The following PCDH11X variants were observed in gnomAD, a reference collection of about 807,000 sequenced individuals.
The protein encoded by PCDH11X is protocadherin-11 X-linked.
PCDH11X carries 18 observed loss-of-function variants against 53.3 expected under a neutral mutation model. The ratio of observed to expected loss-of-function variants is 0.34; its 90% CI spans 0.23 to 0.50. The LOEUF (loss-of-function observed/expected upper bound fraction) is 0.50. Among genes scored for constraint, PCDH11X ranks in the 20% least tolerant of loss-of-function variants. PCDH11X has a pLI of 0.98. For synonymous variants in PCDH11X, 279 were observed against 393.3 expected, an observed-to-expected ratio of 0.71 and a Z score of 3.44; for missense variants, 570 against 1,032.4, an observed-to-expected ratio of 0.55 and a Z score of 6.14.
At chrX:92,061,845 T>C in intron 6 of PCDH11X, among the ~76,000 whole-genome samples, 1 of 111,983 alleles carries the variant, frequency 8.9e-6, no homozygotes, top group South Asian at 3.7e-4. Context: ...CATTTTCTAA[T>C]TTGCTGAAGA....
intron 6 of PCDH11X, among the ~76,000 whole-genome samples, chrX:92,089,447 T>C (rs1282660990): frequency 1.8e-5 from 2 of 112,344 alleles, no homozygotes; most frequent in Non-Finnish European, 3.8e-5. Context: ...GAGGAATATC[T>C]GAAATAAAAT....
chrX:92,190,695 AT>A (rs57787112), intron 6 of PCDH11X, among the ~76,000 whole-genome samples: 1,560 of 111,836 alleles, frequency 0.014, 29 homozygotes, highest in African/African-American at 0.048. Flanking sequence ...TAAACAATTA[AT>A]TTTTTCAGTA....
chrX:92,191,215 T>C (rs1294818822), intron 6 of PCDH11X, among the ~76,000 whole-genome samples: 1 of 112,359 alleles, frequency 8.9e-6, no homozygotes. Flanking sequence ...AAGGTTAAAG[T>C]GCAGTTATAT....
At chrX:92,108,768 C>T (rs1359931299) in intron 6 of PCDH11X, among the ~76,000 whole-genome samples, 1 of 111,316 alleles carries the variant, frequency 9.0e-6, no homozygotes, top group Non-Finnish European at 1.9e-5. Flanking sequence ...TTTGATAAGC[C>T]GTAAGAGGTA....
intron 6 of PCDH11X, among the ~76,000 whole-genome samples, chrX:91,972,601 A>G: frequency 9.3e-6 from 1 of 107,278 alleles, no homozygotes; most frequent in East Asian, 2.9e-4. Flanking sequence ...TTAAGTCTTT[A>G]ATCCATCTTG....
At chrX:92,335,584 C>T (rs2069597125) in intron 8 of PCDH11X, among the ~76,000 whole-genome samples, 1 of 110,468 alleles carries the variant, frequency 9.1e-6, no homozygotes, top group African/African-American at 3.3e-5. Context: ...TGAAAATGAA[C>T]TCCTCTCTAA....
chrX:92,276,470 C>A (rs1301669656), intron 8 of PCDH11X, among the ~76,000 whole-genome samples: 12 of 110,102 alleles, frequency 1.1e-4, no homozygotes, highest in Non-Finnish European at 2.3e-4. Flanking sequence ...TAGGAGGAAT[C>A]CTGGGCTGCA....
intron 10 of PCDH11X, among the ~76,000 whole-genome samples, chrX:92,601,683 C>T (rs1264233560): frequency 9.0e-6 from 1 of 110,804 alleles, no homozygotes; most frequent in Non-Finnish European, 1.9e-5. Context: ...GAGCAAACAG[C>T]AAATGGAGAA....
At chrX:92,399,599 C>G (rs1299186987) in intron 9 of PCDH11X, among the ~76,000 whole-genome samples, 1 of 111,869 alleles carries the variant, frequency 8.9e-6, no homozygotes, top group Non-Finnish European at 1.9e-5. Context: ...TAGTAAAGTG[C>G]AGAAAAGCAT....
At chrX:91,951,189 G>C (rs1199493572) in intron 6 of PCDH11X, among the ~76,000 whole-genome samples, 1 of 110,686 alleles carries the variant, frequency 9.0e-6, no homozygotes, top group Admixed American at 9.7e-5. Flanking sequence ...TCTACCACTA[G>C]AGTAAAAGCC....
chrX:92,032,608 C>T (rs2063069054), intron 6 of PCDH11X, among the ~76,000 whole-genome samples: 6 of 110,792 alleles, frequency 5.4e-5, no homozygotes, highest in Admixed American at 4.8e-4. Flanking sequence ...GTATGATACT[C>T]AATGTGGGCC....
chrX:92,427,162 G>A (rs1326639307), intron 9 of PCDH11X, among the ~76,000 whole-genome samples: 1 of 110,857 alleles, frequency 9.0e-6, no homozygotes, highest in Admixed American at 9.7e-5. Context: ...AGTTGAGAAA[G>A]GAGAATTATT....
intron 8 of PCDH11X, among the ~76,000 whole-genome samples, chrX:92,312,432 T>C (rs1298668149): frequency 9.1e-6 from 1 of 110,344 alleles, no homozygotes; most frequent in Non-Finnish European, 1.9e-5. Flanking sequence ...CTTTCAAATT[T>C]ATCAAAATGT....
intron 10 of PCDH11X, among the ~76,000 whole-genome samples, chrX:92,473,471 C>A (rs1489169093): frequency 8.1e-5 from 9 of 111,024 alleles, no homozygotes; most frequent in Admixed American, 1.9e-4. Flanking sequence ...TATTATTATT[C>A]TTTTTCTTCT....
At chrX:92,230,585 A>G (rs1178229839) in intron 7 of PCDH11X, among the ~76,000 whole-genome samples, 1 of 95,805 alleles carries the variant, frequency 1.0e-5, no homozygotes, top group Non-Finnish European at 2.0e-5. Flanking sequence ...TATATATAAT[A>G]TATATAAAAT....
chrX:92,221,316 CACACACACACAT>C (rs2066874031), intron 7 of PCDH11X, among the ~76,000 whole-genome samples: 2 of 103,309 alleles, frequency 1.9e-5, no homozygotes, highest in South Asian at 4.4e-4. Context: ...CACACACACA[CACACACACACAT>C]ATATACGAAG....
chrX:92,481,222 C>T (rs1026613717), intron 10 of PCDH11X, among the ~76,000 whole-genome samples: 2 of 109,338 alleles, frequency 1.8e-5, no homozygotes, highest in African/African-American at 6.7e-5. Context: ...ACTGCAATGA[C>T]AGTACAGTGG....
Position 92,545,978 on chromosome X carries a change from C to T in PCDH11X, c.3368-72286C>T, listed in dbSNP as rs982547907. On this transcript the variant is annotated intron_variant, in intron 10 of 10. Coordinates refer to ENST00000682573, the MANE Select transcript of PCDH11X (RefSeq NM_032968.5). ...AAGTATTATCACTAGCCTTCAGGCA[C>T]TGTCAGTGTGTGTCTACGCCTTTTA... Among the ~76,000 whole-genome samples the T allele has an allele frequency of 5.4e-4, 57 of 105,727 alleles. 1 individual carries two copies. The highest frequency in any genetic ancestry group is 1.2e-3 in the South Asian group (3 of 2,483). 91.8% of individuals were successfully genotyped at this position (105,727 alleles called of 115,157 possible).
At chrX:92,394,334 CTCTTA>C (rs1026880015) in intron 9 of PCDH11X, among the ~76,000 whole-genome samples, 1 of 110,669 alleles carries the variant, frequency 9.0e-6, no homozygotes, top group African/African-American at 3.3e-5. Context: ...GTAAAGCAAT[CTCTTA>C]TCTTGTCTTT....
Sources: allele counts gnomAD v4.1 joint callset (sites outside exome capture counted in the v4.1 genomes callset), GRCh38; gene constraint gnomAD v4.1.1; transcripts MANE v1.5; gene names NCBI Gene and HGNC (gene_info 2026-07-23, HGNC 2026-07-21).